Variants in ADAMTSL3 observed in about 807,000 individuals in gnomAD.
ADAMTSL3 encodes the protein ADAMTS-like protein 3.
ADAMTSL3 carries 128 observed loss-of-function variants against 201.7 expected under a neutral mutation model. The observed-to-expected ratio is 0.63, with a 90% CI of 0.55 to 0.73. The LOEUF (loss-of-function observed/expected upper bound fraction) is 0.73. Ranked by LOEUF, ADAMTSL3 falls within the 30% of genes least tolerant of loss-of-function variation. ADAMTSL3 has a pLI of 0.00. For missense variants in ADAMTSL3, 1,990 were observed against 2,119.6 expected, an observed-to-expected ratio of 0.94 and a Z score of 1.20; for synonymous variants, 738 against 748.4, an observed-to-expected ratio of 0.99 and a Z score of 0.23.
intron 20 of ADAMTSL3, among the ~76,000 whole-genome samples, chr15:83,975,652 G>A (rs2067274214): frequency 6.6e-6 from 1 of 152,234 alleles, no homozygotes; most frequent in Non-Finnish European, 1.5e-5. Flanking sequence ...CTCTTGAGCA[G>A]ACTTCTGAAT....
In ADAMTSL3 at chr15:83,695,230, G is replaced by GTC. The variant is rs1567078289; in HGVS notation, c.70-9158_70-9157insCT. The stretch of plus-strand genomic sequence containing the variant: ...TGTGGTGTGTGTGTGTGTGTGTAAT[G>GTC]TGTGTGTGTGTGTGTGTGTGTGTGT... On this transcript the variant is annotated intron_variant, in intron 2 of 29. Coordinates refer to ENST00000286744, the MANE Select transcript of ADAMTSL3 (RefSeq NM_207517.3). Among the ~76,000 whole-genome samples, 6 of 121,232 alleles carry GTC rather than the reference G, an allele frequency of 4.9e-5. 1 individual carries two copies. Among genetic ancestry groups the GTC allele is most frequent in the Admixed American group, 2.0e-4 (2 of 9,820 alleles). 79.5% of individuals were successfully genotyped at this position (121,232 alleles called of 152,430 possible).
intron 17 of ADAMTSL3, among the ~76,000 whole-genome samples, chr15:83,927,252 G>A (rs184387419): frequency 1.0e-3 from 156 of 152,076 alleles, no homozygotes; most frequent in Non-Finnish European, 1.7e-3. Context: ...GAGTAGCTGA[G>A]ACTACAGGCA....
chr15:83,730,093 C>T (rs555952083), intron 3 of ADAMTSL3, among the ~76,000 whole-genome samples: 19 of 152,154 alleles, frequency 1.2e-4, no homozygotes, highest in African/African-American at 4.6e-4. Context: ...TTGAAAAAGA[C>T]CACTCAGCGT....
intron 27 of ADAMTSL3, among the ~76,000 whole-genome samples, chr15:84,027,697 G>T (rs547430556): frequency 6.6e-6 from 1 of 151,832 alleles, no homozygotes; most frequent in Non-Finnish European, 1.5e-5. Flanking sequence ...GCGACAGAGC[G>T]AGACTCTGTC....
Position 83,819,988 on chromosome 15 carries a change from C to G in ADAMTSL3, c.541C>G (p.Leu181Val). 1.2e-6 allele frequency: 2 copies of G among 1,614,112 alleles called. No homozygotes were observed. Among genetic ancestry groups the G allele is most frequent in the Non-Finnish European group, 1.7e-6 (2 of 1,180,010 alleles). ...NLVVELAPKV[L>V]DGTRCNTDSL... ...GGTGGTGGAGCTGGCACCTAAGGTA[C>G]TGGATGGAACTCGTTGCAACACGGA... Residue 181 changes from leucine to valine, a missense_variant, in exon 6 of 30, where the codon CTG (leucine) becomes GTG (valine). Leu to Val is a conservative substitution (Grantham distance 32). Transcript: ENST00000286744.
Position 83,870,894 on chromosome 15 carries a change from C to T in ADAMTSL3, c.895C>T (p.Gln299Ter), listed in dbSNP as rs779094210. 1.2e-6 allele frequency: 2 copies of T among 1,613,560 alleles called. No individual in the cohort carries two copies. Among genetic ancestry groups the T allele is most frequent in the Admixed American group, 3.3e-5 (2 of 59,920 alleles). ...FLVENTTVEF[Q>*]RGSERQTFKI... ...CGTAGAAAACACAACAGTGGAATTT[C>T]AGAGGGGCTCCGAGAGGCAAACTTT... The change falls in exon 9 of 30, where the codon CAG (glutamine) becomes TAG (stop). Residue 299 changes from glutamine to a stop codon, truncating the protein, a stop_gained. Coordinates refer to ENST00000286744, the MANE Select transcript of ADAMTSL3 (RefSeq NM_207517.3). LOFTEE classifies it high-confidence loss of function.
chr15:83,730,768 T>C (rs1041228893), intron 3 of ADAMTSL3, among the ~76,000 whole-genome samples: 2 of 152,116 alleles, frequency 1.3e-5, no homozygotes, highest in African/African-American at 4.8e-5. Flanking sequence ...ATGCAGAAGC[T>C]TTTTAGTTTA....
At chr15:83,680,907 A>C (rs1410935016) in intron 2 of ADAMTSL3, among the ~76,000 whole-genome samples, 7 of 152,178 alleles carry the variant, frequency 4.6e-5, no homozygotes, top group Non-Finnish European at 1.0e-4. Context: ...GTTCAAAGCA[A>C]ATGTTATCCA....
intron 9 of ADAMTSL3, among the ~76,000 whole-genome samples, chr15:83,875,808 A>T (rs528066253): frequency 9.2e-5 from 14 of 151,968 alleles, no homozygotes; most frequent in Non-Finnish European, 1.8e-4. Flanking sequence ...TAAAATAAAT[A>T]AAAAAAAGAA....
rs759472378 is a variant in ADAMTSL3, at chr15:83,804,640, T to C, written c.318-10T>C. 3 of 1,546,088 alleles carry C rather than the reference T, an allele frequency of 1.9e-6. No individual in the cohort carries two copies. The South Asian group carries it at 3.7e-5, about 19-fold the overall frequency. ...ATTATTTCTTCTTTCTTCTTTCTTT[T>C]TTCCTTTAGGAATTGTGAAGGGCAG... is the stretch of plus-strand genomic sequence containing the variant. On this transcript the variant is annotated splice_polypyrimidine_tract_variant and intron_variant, in intron 4 of 29. Transcript: ENST00000286744.
chr15:83,881,526 G>A (rs764949829), intron 9 of ADAMTSL3, among the ~76,000 whole-genome samples: 3 of 152,168 alleles, frequency 2.0e-5, no homozygotes, highest in Non-Finnish European at 2.9e-5. Context: ...ATCCTCACTG[G>A]CATGGTAGTT....
At chr15:83,904,781 C>T (rs1176418658) in intron 15 of ADAMTSL3, among the ~76,000 whole-genome samples, 5 of 152,136 alleles carry the variant, frequency 3.3e-5, no homozygotes, top group Non-Finnish European at 5.9e-5. Context: ...CCCTCGCTGT[C>T]GTTTTTCATA....
At chr15:83,716,723 G>T (rs2062025401) in intron 3 of ADAMTSL3, among the ~76,000 whole-genome samples, 1 of 151,898 alleles carries the variant, frequency 6.6e-6, no homozygotes, top group Non-Finnish European at 1.5e-5. Context: ...TAGTCCAAAG[G>T]CTTGTTTGTA....
At chr15:83,968,416 A>G (rs1416133997) in intron 19 of ADAMTSL3, among the ~76,000 whole-genome samples, 1 of 152,080 alleles carries the variant, frequency 6.6e-6, no homozygotes, top group Non-Finnish European at 1.5e-5. Context: ...CAACAAACAT[A>G]TGGAAAAAAG....
chr15:83,950,907 T>C (rs1009121252), intron 19 of ADAMTSL3, among the ~76,000 whole-genome samples: 1 of 152,122 alleles, frequency 6.6e-6, no homozygotes, highest in Non-Finnish European at 1.5e-5. Flanking sequence ...TGGTGGAGTC[T>C]TTAGGTTTTT....
chr15:84,008,011 C>T (rs944901272), intron 23 of ADAMTSL3, among the ~76,000 whole-genome samples: 1 of 152,192 alleles, frequency 6.6e-6, no homozygotes, highest in Non-Finnish European at 1.5e-5. Context: ...CTTGAATCCA[C>T]TCCAACCAAA....
In ADAMTSL3 at chr15:83,841,014, C is replaced by G. The variant is rs143481774; in HGVS notation, c.727+2799C>G. Among the ~76,000 whole-genome samples, 1,271 of 152,250 alleles carry G rather than the reference C, an allele frequency of 8.3e-3. 15 individuals carry two copies. The highest frequency in any genetic ancestry group is 0.028 in the African/African-American group (1,171 of 41,548). ...CCACATCCCAGATAATAAGGAAGAA[C>G]ATAGTGTGAAAAGCGTTTTTTTAAA... On this transcript the variant is annotated intron_variant, in intron 7 of 29. Coordinates refer to ENST00000286744, the MANE Select transcript of ADAMTSL3 (RefSeq NM_207517.3).
chr15:83,704,327 C>G, intron 2 of ADAMTSL3, 62 bp from the exon 3 acceptor site: 1 of 1,609,638 alleles, frequency 6.2e-7, no homozygotes, highest in Non-Finnish European at 8.5e-7. Context: ...CCTTCTTGGA[C>G]TTTACCTGTC....
Position 83,716,581 on chromosome 15 carries a change from G to A in ADAMTSL3, c.189+12073G>A, listed in dbSNP as rs184703668. 3.4e-4 allele frequency among the ~76,000 whole-genome samples: 51 copies of A among 150,986 alleles called. 1 individual carries two copies. Among genetic ancestry groups the A allele is most frequent in the Middle Eastern group, 3.4e-3 (1 of 290 alleles). On this transcript the variant is annotated intron_variant, in intron 3 of 29. Transcript: ENST00000286744. ...CTTAAAAAAGTTAATTATTCTTTGT[G>A]ATAATAAAGAGCCTATCTTTATTTC...
Sources: allele counts gnomAD v4.1 joint callset (sites outside exome capture counted in the v4.1 genomes callset), GRCh38; gene constraint gnomAD v4.1.1; transcripts MANE v1.5; gene names NCBI Gene and HGNC (gene_info 2026-07-23, HGNC 2026-07-21).